The following GMDS variants were observed in gnomAD, a reference collection of about 807,000 sequenced individuals.
GMDS encodes GDP-mannose 4,6 dehydratase.
A neutral mutation model predicts 49.9 loss-of-function variants in GMDS; 20 were observed. That is an observed-to-expected ratio of 0.40 (90% CI 0.28 to 0.58). The LOEUF (loss-of-function observed/expected upper bound fraction) is 0.58, where lower values mean the gene tolerates loss of function less well. GMDS is among the 20% of genes least tolerant of loss of function. The pLI, the probability that GMDS is intolerant of heterozygous loss-of-function variation, is 0.42. For missense variants in GMDS, 362 were observed against 481.4 expected, an observed-to-expected ratio of 0.75 and a Z score of 2.32; for synonymous variants, 177 against 178.6, an observed-to-expected ratio of 0.99 and a Z score of 0.07.
At chr6:1,675,188 C>T (rs901055261) in intron 9 of GMDS, among the ~76,000 whole-genome samples, 12 of 152,152 alleles carry the variant, frequency 7.9e-5, no homozygotes, top group South Asian at 4.2e-4. Flanking sequence ...CTGCCTGCCT[C>T]GGCCTCCCAA....
intron 1 of GMDS, among the ~76,000 whole-genome samples, chr6:2,218,601 A>G (rs9378687): frequency 0.12 from 19,007 of 152,220 alleles, 1,254 homozygotes; most frequent in Middle Eastern, 0.23. Flanking sequence ...CAATTTTTAA[A>G]AATTCACCTC....
intron 7 of GMDS, among the ~76,000 whole-genome samples, chr6:1,924,472 T>C (rs1369117920): frequency 1.3e-5 from 2 of 152,170 alleles, no homozygotes; most frequent in Non-Finnish European, 2.9e-5. Context: ...TAACCCTGTC[T>C]CCCAAGAGCA....
At chr6:2,201,190 G>A (rs234951) in intron 1 of GMDS, among the ~76,000 whole-genome samples, 75,602 of 106,366 alleles carry the variant, frequency 0.71, 26,297 homozygotes, top group East Asian at 0.82. Context: ...AGAGAGGTGA[G>A]GGATGAAGAG....
At chr6:2,163,571 G>A (rs532518753) in intron 1 of GMDS, among the ~76,000 whole-genome samples, 2 of 152,150 alleles carry the variant, frequency 1.3e-5, no homozygotes, top group Non-Finnish European at 2.9e-5. Flanking sequence ...AAGCTGACAG[G>A]TTCAAGAACC....
rs895017361 is a variant in GMDS, at chr6:2,175,867, A to G, written c.103-51136T>C. On this transcript the variant is annotated intron_variant, in intron 1 of 10. Transcript: ENST00000380815. ...CACGTAAGTTCATGAACCCACATAAACAGCCCTATCAGGCTTGTGGCACTA... is the reference window on the plus strand; with the variant it reads ...CACGTAAGTTCATGAACCCACATAAGCAGCCCTATCAGGCTTGTGGCACTA... The G allele has an allele frequency of 4.8e-6, 4 of 826,908 alleles. No individual in the cohort carries two copies. In the African/African-American group the frequency reaches 6.7e-5, roughly 14 times the overall value. 51.2% of individuals were successfully genotyped at this position (826,908 alleles called of 1,614,324 possible).
chr6:1,880,755 C>A (rs188986726), intron 7 of GMDS, among the ~76,000 whole-genome samples: 54 of 152,270 alleles, frequency 3.5e-4, no homozygotes, highest in Admixed American at 9.2e-4. Context: ...TACTTCAAAA[C>A]TCTTTAGAAA....
intron 4 of GMDS, among the ~76,000 whole-genome samples, chr6:2,089,353 C>T (rs1409178513): frequency 6.6e-6 from 1 of 151,836 alleles, no homozygotes; most frequent in Admixed American, 6.6e-5. Flanking sequence ...TAACAATAGA[C>T]TATTTGTGAG....
intron 7 of GMDS, among the ~76,000 whole-genome samples, chr6:1,861,045 G>GAAAC (rs1305140971): frequency 6.6e-6 from 1 of 152,192 alleles, no homozygotes; most frequent in Non-Finnish European, 1.5e-5. Context: ...CAGAGTTACC[G>GAAAC]AAACAAGATC....
At chr6:2,157,830 C>T (rs2127542774) in intron 1 of GMDS, among the ~76,000 whole-genome samples, 1 of 152,308 alleles carries the variant, frequency 6.6e-6, no homozygotes, top group East Asian at 1.9e-4. Context: ...TCAGCCTAAA[C>T]TAATGCTGGC....
At chr6:2,035,709 T>C in intron 4 of GMDS, among the ~76,000 whole-genome samples, 1 of 151,974 alleles carries the variant, frequency 6.6e-6, no homozygotes, top group Non-Finnish European at 1.5e-5. Context: ...TTTTTTGAGA[T>C]GGAGTCTCGC....
chr6:1,632,017 A>T (rs1763016529), intron 9 of GMDS, among the ~76,000 whole-genome samples: 1 of 152,230 alleles, frequency 6.6e-6, no homozygotes, highest in South Asian at 2.1e-4. Flanking sequence ...GGGTTTTGTC[A>T]GGTGTCTATA....
rs569255054 is a variant in GMDS at position 2,078,427 on chromosome 6, C to G, written c.345+37344G>C. 2.0e-5 allele frequency among the ~76,000 whole-genome samples: 3 copies of G among 152,168 alleles called. No individual in the cohort carries two copies. The South Asian group carries it at 6.2e-4, about 32-fold the overall frequency. On this transcript the variant is annotated intron_variant, in intron 4 of 10. Transcript: ENST00000380815. ...TATTGCTATAAACTTCATGTTAGTA[C>G]TGCTTTTGCTGTATCCCACAGGTTT...
chr6:1,821,849 G>A (rs1032288054), intron 7 of GMDS, among the ~76,000 whole-genome samples: 3 of 151,960 alleles, frequency 2.0e-5, no homozygotes, highest in East Asian at 1.9e-4. Flanking sequence ...GTCTTGCGGC[G>A]GGGGAGGGGA....
intron 4 of GMDS, among the ~76,000 whole-genome samples, chr6:1,964,979 T>C (rs566565265): frequency 6.6e-6 from 1 of 152,012 alleles, no homozygotes; most frequent in African/African-American, 2.4e-5. Context: ...GCTTCATCCA[T>C]GTCCCTACAA....
At chr6:1,882,456 T>A (rs1303050903) in intron 7 of GMDS, among the ~76,000 whole-genome samples, 1 of 152,148 alleles carries the variant, frequency 6.6e-6, no homozygotes, top group African/African-American at 2.4e-5. Flanking sequence ...TAAACCAAAG[T>A]GTAATGAGAG....
At chr6:1,662,728 A>G (rs1316156152) in intron 9 of GMDS, among the ~76,000 whole-genome samples, 2 of 152,210 alleles carry the variant, frequency 1.3e-5, no homozygotes, top group African/African-American at 4.8e-5. Context: ...AGATGAGCTG[A>G]AAAAAATCAT....
intron 7 of GMDS, among the ~76,000 whole-genome samples, chr6:1,779,682 C>T (rs888317678): frequency 6.6e-6 from 1 of 152,164 alleles, no homozygotes; most frequent in African/African-American, 2.4e-5. Flanking sequence ...TAAGCAGCTG[C>T]ACAAGCATGA....
intron 7 of GMDS, among the ~76,000 whole-genome samples, chr6:1,812,653 AC>A (rs969890795): frequency 2.6e-5 from 4 of 151,812 alleles, no homozygotes; most frequent in South Asian, 2.1e-4. Context: ...CAGTTCCCAA[AC>A]CCCCCACCGA....
intron 8 of GMDS, among the ~76,000 whole-genome samples, chr6:1,737,831 C>CCACA (rs60568944): frequency 9.1e-5 from 13 of 143,384 alleles, no homozygotes; most frequent in South Asian, 4.5e-4. Context: ...CAAAGACACA[C>CCACA]CACACACACA....
Sources: gnomAD v4.1 joint callset for allele counts (sites outside exome capture counted in the v4.1 genomes callset) on GRCh38, gnomAD v4.1.1 for gene constraint, MANE v1.5 for transcripts, NCBI Gene and HGNC (gene_info 2026-07-23, HGNC 2026-07-21) for gene names.